PLCB4: variants seen among roughly 807,000 people sequenced by gnomAD.
PLCB4 encodes phospholipase C beta 4.
In PLCB4, 77 loss-of-function variants were observed where a neutral mutation model predicts 178.8. The observed-to-expected ratio is 0.43, with a 90% CI of 0.36 to 0.52. The LOEUF is 0.52. PLCB4 is among the 20% of genes least tolerant of loss of function. PLCB4 has a pLI of 0.00. For missense variants in PLCB4, 1,024 were observed against 1,453.4 expected, an observed-to-expected ratio of 0.70 and a Z score of 4.80; for synonymous variants, 496 against 490.8, an observed-to-expected ratio of 1.01 and a Z score of -0.14.
intron 2 of PLCB4, among the ~76,000 whole-genome samples, chr20:9,182,381 A>C (rs1169280423): frequency 6.6e-6 from 1 of 152,174 alleles, no homozygotes; most frequent in African/African-American, 2.4e-5. Context: ...CCATTATACC[A>C]GGCTGAAGTG....
intron 3 of PLCB4, among the ~76,000 whole-genome samples, chr20:9,237,070 G>A (rs574791980): frequency 1.3e-5 from 2 of 152,142 alleles, no homozygotes; most frequent in East Asian, 3.9e-4. Flanking sequence ...TCTTAAGAGA[G>A]AATGAATGAA....
intron 7 of PLCB4, among the ~76,000 whole-genome samples, chr20:9,359,830 G>C (rs899305088): frequency 6.6e-6 from 1 of 152,136 alleles, no homozygotes; most frequent in East Asian, 1.9e-4. Flanking sequence ...CAAACAAGTT[G>C]ATAGGCATCT....
chr20:9,207,205 A>T (rs998635206), intron 2 of PLCB4, among the ~76,000 whole-genome samples: 1 of 152,214 alleles, frequency 6.6e-6, no homozygotes, highest in Non-Finnish European at 1.5e-5. Context: ...GACAAAATAA[A>T]TATACATTTC....
chr20:9,360,167 T>G (rs2035197142), intron 7 of PLCB4, among the ~76,000 whole-genome samples: 1 of 152,160 alleles, frequency 6.6e-6, no homozygotes, highest in Non-Finnish European at 1.5e-5. Flanking sequence ...TGACCTCACT[T>G]TCATCATTGC....
At chr20:9,155,474 A>G (rs992966990) in intron 2 of PLCB4, among the ~76,000 whole-genome samples, 1 of 152,190 alleles carries the variant, frequency 6.6e-6, no homozygotes, top group Non-Finnish European at 1.5e-5. Flanking sequence ...CTTGAGATTC[A>G]GGGCCTTTTT....
intron 2 of PLCB4, among the ~76,000 whole-genome samples, chr20:9,200,863 C>T (rs554251537): frequency 2.6e-5 from 4 of 152,190 alleles, no homozygotes; most frequent in South Asian, 2.1e-4. Context: ...CCCCTCCCCT[C>T]CCCCCAGCTT....
In PLCB4 at chr20:9,104,679, C is replaced by A. The variant is rs887617413; in HGVS notation, c.-79+8337C>A. On this transcript the variant is annotated intron_variant, in intron 2 of 39. Transcript: ENST00000378473. ...TCTTTAGTATACCCTGCGTTTTAGC[C>A]CAAATTTATCTGGATTTTTCTTCTT... 3.3e-5 allele frequency among the ~76,000 whole-genome samples: 5 copies of A among 151,984 alleles called. No homozygotes were observed. The East Asian group carries it at 9.7e-4, about 29-fold the overall frequency.
At chr20:9,393,777 G>A in intron 18 of PLCB4, 99 bp downstream of exon 18, 1 of 778,162 alleles carries the variant, frequency 1.3e-6, no homozygotes, top group East Asian at 2.6e-5. Context: ...CTGATTTTTG[G>A]GGGAAGGGTG....
intron 2 of PLCB4, among the ~76,000 whole-genome samples, chr20:9,131,103 T>G (rs1600621959): frequency 6.6e-6 from 1 of 152,180 alleles, no homozygotes. Context: ...TAACTGACTT[T>G]CTACTCTGGG....
At chr20:9,160,251 G>C (rs1464580535) in intron 2 of PLCB4, among the ~76,000 whole-genome samples, 4 of 152,136 alleles carry the variant, frequency 2.6e-5, no homozygotes, top group African/African-American at 9.7e-5. Flanking sequence ...GTCCTGCCCT[G>C]CCCTGGGCTA....
At chr20:9,339,085 G>A (rs370716958) in intron 7 of PLCB4, 48 bp downstream of exon 7, 129 of 1,439,206 alleles carry the variant, frequency 9.0e-5, no homozygotes, top group Non-Finnish European at 1.2e-4. Context: ...ATGTATATAT[G>A]TTGTGTGTTT....
At chr20:9,098,697 GTACATATA>G (rs1181135206) in intron 2 of PLCB4, among the ~76,000 whole-genome samples, 3 of 146,754 alleles carry the variant, frequency 2.0e-5, no homozygotes, top group Non-Finnish European at 1.5e-5. Context: ...ACGTATATAT[GTACATATA>G]TACATATATA....
intron 2 of PLCB4, among the ~76,000 whole-genome samples, chr20:9,185,290 G>C (rs1021779134): frequency 6.6e-6 from 1 of 151,998 alleles, no homozygotes; most frequent in Non-Finnish European, 1.5e-5. Context: ...GTGTTTGACT[G>C]AGTGATAACA....
chr20:9,431,650 T>TTGTGTGTGTGTG (rs3037096), intron 28 of PLCB4, among the ~76,000 whole-genome samples: 13 of 144,266 alleles, frequency 9.0e-5, no homozygotes, highest in East Asian at 4.1e-4. Flanking sequence ...GTGTGTGTGT[T>TTGTGTGTGTGTG]TGTGTGTGTG....
chr20:9,289,903 G>A (rs2094565916), intron 3 of PLCB4, among the ~76,000 whole-genome samples: 1 of 152,052 alleles, frequency 6.6e-6, no homozygotes, highest in Non-Finnish European at 1.5e-5. Flanking sequence ...TTGGTAAATG[G>A]TGAAACAGTA....
At chr20:9,131,632 G>A (rs2092275191) in intron 2 of PLCB4, among the ~76,000 whole-genome samples, 1 of 152,154 alleles carries the variant, frequency 6.6e-6, no homozygotes, top group Non-Finnish European at 1.5e-5. Flanking sequence ...TTGGTTCGTA[G>A]TTCAAAAAGT....
At chr20:9,087,237 A>T (rs1005870165) in intron 1 of PLCB4, among the ~76,000 whole-genome samples, 1 of 152,272 alleles carries the variant, frequency 6.6e-6, no homozygotes, top group Non-Finnish European at 1.5e-5. Flanking sequence ...TTGCATTTTG[A>T]TATTTCTATA....
chr20:9,295,341 A>G (rs2094621650), intron 3 of PLCB4, among the ~76,000 whole-genome samples: 1 of 152,102 alleles, frequency 6.6e-6, no homozygotes, highest in African/African-American at 2.4e-5. Context: ...TTAGTTCTGT[A>G]CTTGAAAACA....
chr20:9,291,307 G>T (rs887289875), intron 3 of PLCB4, among the ~76,000 whole-genome samples: 2 of 152,078 alleles, frequency 1.3e-5, no homozygotes, highest in Non-Finnish European at 2.9e-5. Flanking sequence ...GCCAAAGACA[G>T]CATCTAATAT....
Sources: gnomAD v4.1 joint callset for allele counts (sites outside exome capture counted in the v4.1 genomes callset) on GRCh38, gnomAD v4.1.1 for gene constraint, MANE v1.5 for transcripts, NCBI Gene and HGNC (gene_info 2026-07-23, HGNC 2026-07-21) for gene names.